Variants in CLEC4A observed in about 807,000 individuals in gnomAD.
CLEC4A encodes the protein C-type lectin domain family 4 member A, also known as C-type (calcium dependent, carbohydrate-recognition domain) lectin, superfamily member 6.
In CLEC4A, 27 loss-of-function variants were observed where a neutral mutation model predicts 32.7. That is an observed-to-expected ratio of 0.83 (90% CI 0.61 to 1.14). The LOEUF is 1.14. CLEC4A is among the 50% of genes most tolerant of loss of function. The pLI, the probability that CLEC4A is intolerant of heterozygous loss-of-function variation, is 0.00. For synonymous variants in CLEC4A, 89 were observed against 93.7 expected, an observed-to-expected ratio of 0.95 and a Z score of 0.29; for missense variants, 253 against 274.6, an observed-to-expected ratio of 0.92 and a Z score of 0.55.
intron 3 of CLEC4A, chr12:8,134,992 T>TTG (rs1948080310): frequency 3.7e-6 from 1 of 267,928 alleles, no homozygotes; most frequent in African/African-American, 2.5e-5. Flanking sequence ...TTTTGTTTTT[T>TTG]TTTAATCATG....
At position 8,135,584 on chromosome 12, in the gene CLEC4A, G is replaced by C; in HGVS notation, c.299-1G>C. The C allele has an allele frequency of 6.2e-7, 1 of 1,614,018 alleles. No homozygotes were observed. Among genetic ancestry groups the C allele is most frequent in the Non-Finnish European group, 8.5e-7 (1 of 1,179,906 alleles). On this transcript the variant is annotated splice_acceptor_variant, in intron 3 of 5. Coordinates refer to ENST00000229332, the MANE Select transcript of CLEC4A (RefSeq NM_016184.4). LOFTEE classifies it high-confidence loss of function. Reference sequence around the variant, plus strand: ...CGTATGTGCCCCTCTTCCCAATACAGAGACAGCCTGGAGCTGTTGCCCAAA... The same window carrying C: ...CGTATGTGCCCCTCTTCCCAATACACAGACAGCCTGGAGCTGTTGCCCAAA...
the CLEC4A span, among the ~76,000 whole-genome samples, chr12:8,114,534 G>C: frequency 9.9e-5 from 15 of 152,226 alleles, no homozygotes; most frequent in South Asian, 2.7e-3. Context: ...GTGAGCCACC[G>C]CGCCCGGCCA....
At chr12:8,131,201 C>T (rs1947989912) in intron 3 of CLEC4A, among the ~76,000 whole-genome samples, 1 of 152,136 alleles carries the variant, frequency 6.6e-6, no homozygotes, top group Non-Finnish European at 1.5e-5. Context: ...TGATGTTGAC[C>T]TTGATCACTT....
upstream of CLEC4A, among the ~76,000 whole-genome samples, chr12:8,120,307 C>A (rs1434815505): frequency 2.0e-5 from 3 of 152,156 alleles, no homozygotes; most frequent in Non-Finnish European, 4.4e-5. Context: ...GCCAGCCCCA[C>A]CCTGAATCAC....
chr12:8,120,985 C>T (rs2120554823), upstream of CLEC4A: 1 of 152,304 alleles, frequency 6.6e-6, no homozygotes, highest in East Asian at 1.9e-4. Context: ...AAGGATGCTA[C>T]TACATGGTTC....
At chr12:8,108,314 C>T in the CLEC4A span, among the ~76,000 whole-genome samples, 2 of 152,156 alleles carry the variant, frequency 1.3e-5, no homozygotes, top group Non-Finnish European at 2.9e-5. Context: ...GGATGGAACA[C>T]CAGGTACCAT....
chr12:8,136,839 TCAGATC>T lies in CLEC4A; in HGVS notation c.507_512del (p.Asp169_Pro170del). The stretch of plus-strand genomic sequence containing the variant: ...AGAATCTGCTTATTTTGTGGGGCTC[TCAGATC>T]CAGAAGGTCAGCGACATTGGCAATG... On this transcript the variant is annotated inframe_deletion, in exon 5 of 6. Transcript: ENST00000229332. 1.2e-6 allele frequency: 2 copies of T among 1,613,676 alleles called. No homozygotes were observed. Among genetic ancestry groups the T allele is most frequent in the Non-Finnish European group, 1.7e-6 (2 of 1,179,614 alleles).
chr12:8,131,953 G>A (rs1017058393), intron 3 of CLEC4A, among the ~76,000 whole-genome samples: 2 of 151,950 alleles, frequency 1.3e-5, no homozygotes, highest in African/African-American at 2.4e-5. Flanking sequence ...CAGGTATTAA[G>A]CCCAGCATCC....
the CLEC4A span, among the ~76,000 whole-genome samples, chr12:8,111,738 T>C: frequency 6.6e-6 from 1 of 152,156 alleles, no homozygotes; most frequent in Admixed American, 6.5e-5. Flanking sequence ...TCTGACATTT[T>C]TGACACTAAA....
intron 2 of CLEC4A, among the ~76,000 whole-genome samples, chr12:8,127,563 G>T (rs1247253929): frequency 6.6e-6 from 1 of 152,182 alleles, no homozygotes; most frequent in Non-Finnish European, 1.5e-5. Context: ...GATATAATTG[G>T]ATTGGACTTA....
intron 3 of CLEC4A, among the ~76,000 whole-genome samples, chr12:8,130,940 A>G (rs4424738): frequency 0.88 from 133,822 of 152,174 alleles, 59,067 homozygotes; most frequent in East Asian, 0.96. Flanking sequence ...GTTACATTGA[A>G]TTCTCATGTC....
At chr12:8,133,385 C>T (rs1039941184) in intron 3 of CLEC4A, among the ~76,000 whole-genome samples, 2 of 152,170 alleles carry the variant, frequency 1.3e-5, no homozygotes, top group African/African-American at 4.8e-5. Flanking sequence ...GCTCAGTTGA[C>T]ATTTTCTGTT....
At chr12:8,136,204 G>A (rs758674031) in intron 4 of CLEC4A, among the ~76,000 whole-genome samples, 31 of 152,308 alleles carry the variant, frequency 2.0e-4, no homozygotes, top group Admixed American at 5.2e-4. Context: ...TTTGAAGAAT[G>A]TAATCCCTTA....
upstream of CLEC4A, among the ~76,000 whole-genome samples, chr12:8,122,101 A>T (rs1947835923): frequency 6.6e-6 from 1 of 152,000 alleles, no homozygotes; most frequent in Admixed American, 6.5e-5. Context: ...GTAGGGTAAG[A>T]TGGACATTAT....
intron 2 of CLEC4A, 60 bp from the exon 3 acceptor site, chr12:8,129,204 G>T: frequency 4.8e-6 from 5 of 1,051,458 alleles, no homozygotes; most frequent in African/African-American, 1.6e-5. Flanking sequence ...AGAAAGTAAC[G>T]ATAAAGAGCA....
the CLEC4A span, among the ~76,000 whole-genome samples, chr12:8,112,078 C>T: frequency 1.7e-3 from 262 of 152,162 alleles, no homozygotes; most frequent in Non-Finnish European, 2.2e-3. Context: ...AAGCAATTCT[C>T]CTGCCTCAGC....
At position 8,134,176 on chromosome 12, in the gene CLEC4A, G is replaced by A. The variant is rs1948049969; in HGVS notation, c.299-1409G>A. On this transcript the variant is annotated intron_variant, in intron 3 of 5. Transcript: ENST00000229332. Reference sequence around the variant, plus strand: ...TTCGCTTTCTCTTTCGGGCCTGCACGAGGGTTTCTGCTTTGCATATCTCCT... The same window carrying A: ...TTCGCTTTCTCTTTCGGGCCTGCACAAGGGTTTCTGCTTTGCATATCTCCT... 2.5e-6 allele frequency: 4 copies of A among 1,609,454 alleles called. No homozygotes were observed. In the South Asian group the frequency reaches 3.3e-5, roughly 13 times the overall value.
chr12:8,105,969 A>G, the CLEC4A span, among the ~76,000 whole-genome samples: 2 of 152,232 alleles, frequency 1.3e-5, no homozygotes, highest in African/African-American at 4.8e-5. Flanking sequence ...GCCCATTCCT[A>G]TGTCCAGAAT....
At chr12:8,120,126 A>G (rs981699174), upstream of CLEC4A, among the ~76,000 whole-genome samples, 1 of 152,196 alleles carries the variant, frequency 6.6e-6, no homozygotes, top group African/African-American at 2.4e-5. Context: ...ATTGCCAATC[A>G]GGGGAGCTTC....
Sources: gnomAD v4.1 joint callset for allele counts (sites outside exome capture counted in the v4.1 genomes callset) on GRCh38, gnomAD v4.1.1 for gene constraint, MANE v1.5 for transcripts, NCBI Gene and HGNC (gene_info 2026-07-23, HGNC 2026-07-21) for gene names.